Variants in CNTN5 observed in about 807,000 individuals in gnomAD.
CNTN5 encodes contactin-5.
Under a neutral mutation model 129.1 loss-of-function variants are expected in CNTN5, and 77 were observed. That is an observed-to-expected ratio of 0.60 (90% CI 0.50 to 0.72). CNTN5 has a LOEUF of 0.72. Ranked by LOEUF, CNTN5 falls within the 30% of genes least tolerant of loss-of-function variation. The pLI, the probability that CNTN5 is intolerant of heterozygous loss-of-function variation, is 0.00. For missense variants in CNTN5, 1,478 were observed against 1,328.8 expected (o/e 1.11, Z -1.75); for synonymous variants, 509 against 465.6 (o/e 1.09, Z -1.20).
intron 7 of CNTN5, among the ~76,000 whole-genome samples, chr11:99,922,249 C>G (rs1949957473): frequency 6.6e-6 from 1 of 152,096 alleles, no homozygotes; most frequent in Non-Finnish European, 1.5e-5. Context: ...ACTTATTCAC[C>G]ATCATGAGAA....
chr11:99,056,765 G>A (rs532638862), intron 1 of CNTN5, among the ~76,000 whole-genome samples: 1 of 152,088 alleles, frequency 6.6e-6, no homozygotes, highest in Non-Finnish European at 1.5e-5. Context: ...TTCATGGTAA[G>A]CATGATAGTA....
intron 6 of CNTN5, among the ~76,000 whole-genome samples, chr11:99,888,950 G>A (rs761367199): frequency 3.3e-5 from 5 of 150,976 alleles, no homozygotes; most frequent in South Asian, 2.1e-4. Context: ...GGAAGAATTC[G>A]TATAAAATGC....
At chr11:99,648,755 T>C (rs1952054308) in intron 3 of CNTN5, among the ~76,000 whole-genome samples, 1 of 151,838 alleles carries the variant, frequency 6.6e-6, no homozygotes, top group African/African-American at 2.4e-5. Context: ...CCATCATTTC[T>C]GGTAACATGA....
intron 17 of CNTN5, among the ~76,000 whole-genome samples, chr11:100,263,732 T>C (rs2138756737): frequency 6.6e-6 from 1 of 152,250 alleles, no homozygotes; most frequent in African/African-American, 2.4e-5. Flanking sequence ...TTCAATCTTA[T>C]TCTTAGTATG....
At chr11:100,050,083 T>G (rs1474201287) in intron 9 of CNTN5, among the ~76,000 whole-genome samples, 1 of 152,142 alleles carries the variant, frequency 6.6e-6, no homozygotes, top group East Asian at 1.9e-4. Context: ...CTCAGGGATC[T>G]AGAACTAGAA....
At chr11:100,199,298 G>A (rs921905725) in intron 15 of CNTN5, among the ~76,000 whole-genome samples, 1 of 151,794 alleles carries the variant, frequency 6.6e-6, no homozygotes, top group Non-Finnish European at 1.5e-5. Flanking sequence ...CATGGACTCC[G>A]AGCGCTACCC....
At chr11:99,529,511 T>G (rs1371466264) in intron 2 of CNTN5, among the ~76,000 whole-genome samples, 1 of 152,200 alleles carries the variant, frequency 6.6e-6, no homozygotes, top group African/African-American at 2.4e-5. Context: ...GATTTTGAAC[T>G]GTAGATATTT....
chr11:99,788,496 C>T (rs1945618648), intron 3 of CNTN5, among the ~76,000 whole-genome samples: 1 of 151,830 alleles, frequency 6.6e-6, no homozygotes, highest in African/African-American at 2.4e-5. Flanking sequence ...TTATGTCATT[C>T]CCTTTTGTAA....
chr11:99,069,213 C>T (rs1344440155), intron 1 of CNTN5, among the ~76,000 whole-genome samples: 2 of 151,916 alleles, frequency 1.3e-5, no homozygotes, highest in African/African-American at 4.8e-5. Context: ...AAATACAACC[C>T]TCCTTTCAGA....
At chr11:99,385,837 T>C (rs1940892137) in intron 2 of CNTN5, among the ~76,000 whole-genome samples, 1 of 152,150 alleles carries the variant, frequency 6.6e-6, no homozygotes, top group Non-Finnish European at 1.5e-5. Flanking sequence ...ATATGGATTG[T>C]ATATATGGAA....
intron 3 of CNTN5, among the ~76,000 whole-genome samples, chr11:99,667,332 C>A (rs564840943): frequency 1.3e-5 from 2 of 152,112 alleles, no homozygotes; most frequent in African/African-American, 4.8e-5. Context: ...CAGCTGTTTA[C>A]TAAAACTCAC....
intron 6 of CNTN5, among the ~76,000 whole-genome samples, chr11:99,905,061 G>A (rs976145852): frequency 2.0e-5 from 3 of 152,160 alleles, no homozygotes; most frequent in Admixed American, 2.0e-4. Context: ...CAGACAGATA[G>A]ATTGCAAAAA....
chr11:99,500,599 A>C (rs947665317), intron 2 of CNTN5, among the ~76,000 whole-genome samples: 3 of 151,894 alleles, frequency 2.0e-5, no homozygotes, highest in African/African-American at 7.3e-5. Flanking sequence ...TCACCTAAAA[A>C]TATTTGGGAC....
intron 15 of CNTN5, among the ~76,000 whole-genome samples, chr11:100,221,194 T>C (rs1949258048): frequency 1.3e-5 from 2 of 152,124 alleles, no homozygotes; most frequent in Non-Finnish European, 2.9e-5. Context: ...AAAGAGCACC[T>C]GCAACAGAAC....
intron 1 of CNTN5, among the ~76,000 whole-genome samples, chr11:99,067,926 G>A (rs753184511): frequency 6.6e-5 from 10 of 152,092 alleles, no homozygotes; most frequent in Non-Finnish European, 1.2e-4. Flanking sequence ...TGAATCATAG[G>A]GGTGGTTTTC....
At chr11:100,042,165 T>A (rs1245290517) in intron 9 of CNTN5, among the ~76,000 whole-genome samples, 1 of 152,032 alleles carries the variant, frequency 6.6e-6, no homozygotes, top group Non-Finnish European at 1.5e-5. Flanking sequence ...CCTTCAAAAG[T>A]TTTTGTGTAT....
At chr11:99,448,628 T>G (rs1284788974) in intron 2 of CNTN5, among the ~76,000 whole-genome samples, 1 of 152,058 alleles carries the variant, frequency 6.6e-6, no homozygotes, top group Non-Finnish European at 1.5e-5. Context: ...CATGAAATTC[T>G]GCACCTGAAA....
At chr11:99,873,331 ATAAT>A (rs1258179790) in intron 6 of CNTN5, among the ~76,000 whole-genome samples, 6 of 152,248 alleles carry the variant, frequency 3.9e-5, no homozygotes, top group South Asian at 2.1e-4. Context: ...CTCAGGATAA[ATAAT>A]TAGTATTCAG....
At chr11:99,482,128 TA>T (rs1945625211) in intron 2 of CNTN5, among the ~76,000 whole-genome samples, 1 of 152,178 alleles carries the variant, frequency 6.6e-6, no homozygotes, top group South Asian at 2.1e-4. Flanking sequence ...AATGCATTAT[TA>T]ATCTCCCTAT....
Sources: allele counts gnomAD v4.1 joint callset (sites outside exome capture counted in the v4.1 genomes callset), GRCh38; gene constraint gnomAD v4.1.1; transcripts MANE v1.5; gene names NCBI Gene and HGNC (gene_info 2026-07-23, HGNC 2026-07-21).